Variants in CNTNAP2 observed in about 807,000 individuals in gnomAD.
The protein encoded by CNTNAP2 is contactin-associated protein-like 2.
CNTNAP2 carries 98 observed loss-of-function variants against 155.2 expected under a neutral mutation model. The ratio of observed to expected loss-of-function variants is 0.63; its 90% CI spans 0.54 to 0.75. CNTNAP2 has a LOEUF of 0.75. CNTNAP2 is among the 30% of genes least tolerant of loss of function. The pLI, the probability that CNTNAP2 is intolerant of heterozygous loss-of-function variation, is 0.00. For missense variants in CNTNAP2, 1,727 were observed against 1,688.1 expected, an observed-to-expected ratio of 1.02 and a Z score of -0.40; for synonymous variants, 651 against 631.2, an observed-to-expected ratio of 1.03 and a Z score of -0.47.
chr7:146,712,128 A>G lies in CNTNAP2; in HGVS notation c.98-62143A>G, dbSNP rs1447401678. Reference sequence around the variant, plus strand: ...ATCTTATGTATACATATATGTATACATATCTTATGTATACTATATAGTATA... The same window carrying G: ...ATCTTATGTATACATATATGTATACGTATCTTATGTATACTATATAGTATA... On this transcript the variant is annotated intron_variant, in intron 1 of 23. Coordinates refer to ENST00000361727, the MANE Select transcript of CNTNAP2 (RefSeq NM_014141.6). 1.6e-5 allele frequency among the ~76,000 whole-genome samples: 2 copies of G among 121,340 alleles called. 1 individual carries two copies. Among genetic ancestry groups the G allele is most frequent in the African/African-American group, 7.0e-5 (2 of 28,676 alleles). The allele number at this position is 121,340 out of a possible 152,430, so 79.6% of individuals were successfully genotyped here.
chr7:147,115,098 G>T (rs562786020), intron 5 of CNTNAP2, among the ~76,000 whole-genome samples: 1 of 152,230 alleles, frequency 6.6e-6, no homozygotes, highest in African/African-American at 2.4e-5. Context: ...TGAAGTTCTG[G>T]GTTGGAAATT....
Position 148,022,182 on chromosome 7 carries a change from G to T in CNTNAP2, c.2383+44193G>T, listed in dbSNP as rs191335832. Among the ~76,000 whole-genome samples the T allele has an allele frequency of 3.4e-3, 466 of 135,250 alleles. 15 individuals are homozygous for T. The highest frequency in any genetic ancestry group is 0.028 in the Admixed American group (388 of 14,014). 88.7% of individuals were successfully genotyped at this position (135,250 alleles called of 152,430 possible). On this transcript the variant is annotated intron_variant, in intron 15 of 23. Coordinates refer to ENST00000361727, the MANE Select transcript of CNTNAP2 (RefSeq NM_014141.6). ...AAGGCTTTTTGATGACAAAAAGAGGGTTTAAAAAAAAAAATGTGGCTCACG... is the reference window on the plus strand; with the variant it reads ...AAGGCTTTTTGATGACAAAAAGAGGTTTTAAAAAAAAAAATGTGGCTCACG...
intron 13 of CNTNAP2, among the ~76,000 whole-genome samples, chr7:147,789,896 T>G (rs1176483602): frequency 6.6e-6 from 1 of 152,230 alleles, no homozygotes; most frequent in East Asian, 1.9e-4. Context: ...AAGGCTGTTC[T>G]GTCGGCTTTC....
intron 16 of CNTNAP2, among the ~76,000 whole-genome samples, chr7:148,143,876 T>A (rs1308376570): frequency 6.6e-6 from 1 of 152,104 alleles, no homozygotes; most frequent in Non-Finnish European, 1.5e-5. Context: ...AAGACTCCAC[T>A]CATGTTTCAT....
chr7:146,206,589 G>A (rs935810026), intron 1 of CNTNAP2, among the ~76,000 whole-genome samples: 1 of 151,934 alleles, frequency 6.6e-6, no homozygotes, highest in Admixed American at 6.6e-5. Context: ...TTGACCTTAA[G>A]TGTCAAGAAT....
At chr7:147,481,070 A>G (rs1027134806) in intron 10 of CNTNAP2, among the ~76,000 whole-genome samples, 5 of 152,164 alleles carry the variant, frequency 3.3e-5, no homozygotes, top group Non-Finnish European at 5.9e-5. Context: ...GGATTTCTGG[A>G]GTCATGGTGC....
chr7:147,087,449 G>T (rs1800302094), intron 4 of CNTNAP2, among the ~76,000 whole-genome samples: 1 of 152,098 alleles, frequency 6.6e-6, no homozygotes, highest in African/African-American at 2.4e-5. Flanking sequence ...AGCGAAAGTG[G>T]TGAATTTCTC....
In CNTNAP2 at chr7:146,444,724, C is replaced by A. The variant is rs185068864; in HGVS notation, c.97+327751C>A. On this transcript the variant is annotated intron_variant, in intron 1 of 23. Coordinates refer to ENST00000361727, the MANE Select transcript of CNTNAP2 (RefSeq NM_014141.6). ...CTAGGCTAGGGTGCAGTGGCATGATCTCGGCTCACTGCAACTTCTGCCCCC... is the reference window on the plus strand; with the variant it reads ...CTAGGCTAGGGTGCAGTGGCATGATATCGGCTCACTGCAACTTCTGCCCCC... Among the ~76,000 whole-genome samples, 77 of 150,138 alleles carry A rather than the reference C, an allele frequency of 5.1e-4. 1 individual carries two copies. The East Asian group carries it at 0.013, about 25-fold the overall frequency.
intron 1 of CNTNAP2, among the ~76,000 whole-genome samples, chr7:146,410,788 C>CA (rs1174182226): frequency 6.6e-6 from 1 of 152,096 alleles, no homozygotes; most frequent in Admixed American, 6.6e-5. Flanking sequence ...TCCCCAGCTC[C>CA]AAAAAACCAC....
chr7:147,605,565 C>CT (rs2116867877), intron 12 of CNTNAP2, among the ~76,000 whole-genome samples: 1 of 152,248 alleles, frequency 6.6e-6, no homozygotes, highest in East Asian at 1.9e-4. Context: ...AGGTGCGAGT[C>CT]TGAGTCACAA....
chr7:146,156,373 C>G (rs1211933346), intron 1 of CNTNAP2, among the ~76,000 whole-genome samples: 1 of 152,120 alleles, frequency 6.6e-6, no homozygotes, highest in Non-Finnish European at 1.5e-5. Flanking sequence ...GTTATTTAAT[C>G]CATCTTTTGA....
chr7:147,186,597 G>A (rs1309568514), intron 8 of CNTNAP2, among the ~76,000 whole-genome samples: 1 of 152,184 alleles, frequency 6.6e-6, no homozygotes, highest in African/African-American at 2.4e-5. Flanking sequence ...TCTCATTGGA[G>A]TAGGAGGTGC....
intron 15 of CNTNAP2, among the ~76,000 whole-genome samples, chr7:148,078,817 C>G (rs756807062): frequency 6.6e-6 from 1 of 151,906 alleles, no homozygotes. Context: ...CTTGATTTTC[C>G]GAGAAGAAAA....
chr7:146,543,877 T>C (rs1797990254), intron 1 of CNTNAP2, among the ~76,000 whole-genome samples: 1 of 151,950 alleles, frequency 6.6e-6, no homozygotes, highest in Non-Finnish European at 1.5e-5. Flanking sequence ...TTCTTACTTA[T>C]TTATTCATTC....
chr7:147,354,174 C>G (rs1373259002), intron 9 of CNTNAP2, among the ~76,000 whole-genome samples: 1 of 151,936 alleles, frequency 6.6e-6, no homozygotes, highest in East Asian at 1.9e-4. Flanking sequence ...CTTTTGTTGC[C>G]ATTGCTGTTG....
intron 1 of CNTNAP2, among the ~76,000 whole-genome samples, chr7:146,271,566 T>G (rs574969836): frequency 6.6e-6 from 1 of 151,806 alleles, no homozygotes; most frequent in African/African-American, 2.4e-5. Context: ...ATTAAGAACT[T>G]GTGAAAACAG....
At chr7:147,036,288 G>A (rs563433083) in intron 3 of CNTNAP2, among the ~76,000 whole-genome samples, 135 of 152,224 alleles carry the variant, frequency 8.9e-4, no homozygotes, top group Middle Eastern at 3.4e-3. Context: ...CTACCTCTTA[G>A]ACCATCTGAA....
At chr7:146,391,946 T>A (rs1157582632) in intron 1 of CNTNAP2, among the ~76,000 whole-genome samples, 1 of 151,974 alleles carries the variant, frequency 6.6e-6, no homozygotes, top group Non-Finnish European at 1.5e-5. Flanking sequence ...TGAAACAAGT[T>A]TACATAACAA....
intron 14 of CNTNAP2, among the ~76,000 whole-genome samples, chr7:147,966,604 T>C (rs1294076744): frequency 6.6e-6 from 1 of 152,140 alleles, no homozygotes; most frequent in Admixed American, 6.5e-5. Flanking sequence ...TGTCACCCAG[T>C]TACCCTCCTT....
Sources: gnomAD v4.1 joint callset for allele counts (sites outside exome capture counted in the v4.1 genomes callset) on GRCh38, gnomAD v4.1.1 for gene constraint, MANE v1.5 for transcripts, NCBI Gene and HGNC (gene_info 2026-07-23, HGNC 2026-07-21) for gene names.